The following SLC25A48 variants were observed in gnomAD, a reference collection of about 807,000 sequenced individuals.
SLC25A48 encodes the protein solute carrier family 25 member 48.
SLC25A48 carries 29 observed loss-of-function variants against 32.2 expected under a neutral mutation model. That is an observed-to-expected ratio of 0.90 (90% confidence interval 0.67 to 1.23). The LOEUF is 1.23. Ranked by LOEUF, SLC25A48 falls within the 50% of genes most tolerant of loss-of-function variation. The pLI is 0.00. For missense variants in SLC25A48, 399 were observed against 422.7 expected, an observed-to-expected ratio of 0.94 and a Z score of 0.49; for synonymous variants, 164 against 172.3, an observed-to-expected ratio of 0.95 and a Z score of 0.38.
chr5:135,599,116 C>T (rs1193694096), intron 1 of SLC25A48, among the ~76,000 whole-genome samples: 3 of 151,988 alleles, frequency 2.0e-5, no homozygotes, highest in Non-Finnish European at 2.9e-5. Flanking sequence ...TCAGTTGGTT[C>T]GGGGGCTTAG....
At chr5:135,833,671 G>A (rs1052342123), upstream of SLC25A48, among the ~76,000 whole-genome samples, 12 of 152,248 alleles carry the variant, frequency 7.9e-5, no homozygotes, top group South Asian at 6.2e-4. Context: ...ACTCCATCCC[G>A]GGCTGTCCTC....
intron 3 of SLC25A48, among the ~76,000 whole-genome samples, chr5:135,753,826 G>A (rs373471220): frequency 6.6e-6 from 1 of 151,860 alleles, no homozygotes; most frequent in East Asian, 1.9e-4. Flanking sequence ...GTCATATCTC[G>A]AGGACATTAT....
At chr5:135,873,218 C>T (rs560146164) in intron 5 of SLC25A48, among the ~76,000 whole-genome samples, 1 of 152,312 alleles carries the variant, frequency 6.6e-6, no homozygotes, top group South Asian at 2.1e-4. Flanking sequence ...TCTAAGGTCT[C>T]TTTTGAGAGC....
chr5:135,680,484 C>G (rs2126949602), intron 3 of SLC25A48, among the ~76,000 whole-genome samples: 1 of 152,224 alleles, frequency 6.6e-6, no homozygotes, highest in South Asian at 2.1e-4. Flanking sequence ...TTTCATACTG[C>G]TTTGAAAAAA....
chr5:135,833,505 T>C (rs1208345677), upstream of SLC25A48, among the ~76,000 whole-genome samples: 1 of 152,240 alleles, frequency 6.6e-6, no homozygotes, highest in East Asian at 1.9e-4. Context: ...ATCCCGGGCA[T>C]GACAGGGCAC....
Position 135,625,532 on chromosome 5 carries a change from G to T in SLC25A48, c.-848-3705G>T, listed in dbSNP as rs150603869. On this transcript the variant is annotated intron_variant, in intron 1 of 10. Coordinates refer to the SLC25A48 transcript ENST00000646290. ...TCTGTGGGACATGATGTGGCCCTCT[G>T]GGTAGAAGAGGAGGACTGCCAGAGC... 8.5e-5 allele frequency among the ~76,000 whole-genome samples: 13 copies of T among 152,254 alleles called. No homozygotes were observed. The East Asian group carries it at 2.5e-3, about 29-fold the overall frequency.
chr5:135,725,517 A>G (rs976165156), intron 3 of SLC25A48, among the ~76,000 whole-genome samples: 3 of 152,212 alleles, frequency 2.0e-5, no homozygotes, highest in African/African-American at 7.2e-5. Flanking sequence ...TAGGTTCAGC[A>G]TTAGTGCCAT....
intron 3 of SLC25A48, among the ~76,000 whole-genome samples, chr5:135,692,386 G>A (rs982125830): frequency 3.4e-5 from 2 of 58,124 alleles, no homozygotes; most frequent in Non-Finnish European, 9.7e-5. Flanking sequence ...GATTCTTTTC[G>A]GATGAGCCAA....
intron 3 of SLC25A48, among the ~76,000 whole-genome samples, chr5:135,670,406 C>T (rs969772379): frequency 1.3e-5 from 2 of 152,190 alleles, no homozygotes; most frequent in African/African-American, 2.4e-5. Flanking sequence ...CGTTCTAGGG[C>T]TCCCTGCTGT....
intron 3 of SLC25A48, among the ~76,000 whole-genome samples, chr5:135,796,674 G>A (rs1243795792): frequency 6.6e-6 from 1 of 151,788 alleles, no homozygotes; most frequent in Non-Finnish European, 1.5e-5. Context: ...ATCCCGGGGG[G>A]TGTACATTTT....
chr5:135,626,590 A>G (rs1752446099), intron 1 of SLC25A48, among the ~76,000 whole-genome samples: 1 of 152,188 alleles, frequency 6.6e-6, no homozygotes, highest in South Asian at 2.1e-4. Flanking sequence ...GCTTGCATAC[A>G]TGTGTGTTTC....
intron 1 of SLC25A48, among the ~76,000 whole-genome samples, chr5:135,613,685 T>C (rs1406095639): frequency 6.6e-6 from 1 of 152,244 alleles, no homozygotes; most frequent in African/African-American, 2.4e-5. Context: ...CAGCACCATT[T>C]ACTAAGGAGG....
intron 3 of SLC25A48, among the ~76,000 whole-genome samples, chr5:135,709,388 T>C (rs1754598673): frequency 6.6e-6 from 1 of 152,262 alleles, no homozygotes; most frequent in Non-Finnish European, 1.5e-5. Flanking sequence ...GGAAGAGCCC[T>C]GTTGGAGGCC....
At chr5:135,654,050 A>G (rs915026167) in intron 3 of SLC25A48, 2 of 383,532 alleles carry the variant, frequency 5.2e-6, no homozygotes, top group Admixed American at 6.3e-5. Flanking sequence ...CAGCCTGCTT[A>G]TGTAACAGCC....
At chr5:135,829,760 C>T (rs548024698), upstream of SLC25A48, among the ~76,000 whole-genome samples, 3 of 152,144 alleles carry the variant, frequency 2.0e-5, no homozygotes, top group South Asian at 6.2e-4. Context: ...TAGGAGGCAG[C>T]ACTTTTTTTA....
Position 135,874,628 on chromosome 5 carries a change from G to A in SLC25A48, c.813+474G>A, listed in dbSNP as rs1761910469. ...TGAACTGCCTTCTGCTCTCCCACCT[G>A]AGCCCTGACCCCAGACCTCTGGTCG... On this transcript the variant is annotated intron_variant, in intron 6 of 7. Coordinates refer to ENST00000681962, the MANE Select transcript of SLC25A48 (RefSeq NM_001349336.2). 4.3e-6 allele frequency: 3 copies of A among 690,540 alleles called. No individual in the cohort carries two copies. The East Asian group carries it at 8.2e-5, about 19-fold the overall frequency. 42.8% of individuals were successfully genotyped at this position (690,540 alleles called of 1,614,324 possible). A position where few individuals can be genotyped will look rare whatever the true frequency, so the allele number is the denominator to read the frequency against.
intron 3 of SLC25A48, among the ~76,000 whole-genome samples, chr5:135,638,840 A>G (rs1359011397): frequency 6.6e-6 from 1 of 152,216 alleles, no homozygotes; most frequent in Non-Finnish European, 1.5e-5. Context: ...ACTCTATATA[A>G]GCACTATATG....
intron 3 of SLC25A48, among the ~76,000 whole-genome samples, chr5:135,721,029 T>C (rs1754938427): frequency 6.6e-6 from 1 of 151,650 alleles, no homozygotes; most frequent in Admixed American, 6.6e-5. Flanking sequence ...TGAGCTCCCA[T>C]TCCCTTTTTT....
intron 4 of SLC25A48, among the ~76,000 whole-genome samples, chr5:135,860,231 T>C (rs1274936205): frequency 6.6e-6 from 1 of 152,248 alleles, no homozygotes; most frequent in Non-Finnish European, 1.5e-5. Context: ...GTTTCATAAG[T>C]GAGAAGAGGT....
Sources: gnomAD v4.1 joint callset for allele counts (sites outside exome capture counted in the v4.1 genomes callset) on GRCh38, gnomAD v4.1.1 for gene constraint, MANE v1.5 for transcripts, NCBI Gene and HGNC (gene_info 2026-07-23, HGNC 2026-07-21) for gene names.